PTPN12: variants seen among roughly 807,000 people sequenced by gnomAD.
PTPN12 encodes the protein tyrosine-protein phosphatase non-receptor type 12.
A neutral mutation model predicts 97.6 loss-of-function variants in PTPN12; 29 were observed. That is an observed-to-expected ratio of 0.30 (90% confidence interval 0.22 to 0.41). PTPN12 has a LOEUF of 0.41. Among genes scored for constraint, PTPN12 ranks in the 10% least tolerant of loss-of-function variants. PTPN12 has a pLI of 1.00. For missense variants in PTPN12, 819 were observed against 926.0 expected (o/e 0.88, Z 1.50); for synonymous variants, 327 against 300.4 (o/e 1.09, Z -0.91).
chr7:77,622,880 C>T (rs754421440), intron 12 of PTPN12, among the ~76,000 whole-genome samples: 2 of 151,006 alleles, frequency 1.3e-5, no homozygotes, highest in Non-Finnish European at 2.9e-5. Flanking sequence ...TAAAGAAATT[C>T]ATTCATTTCA....
At chr7:77,611,779 A>G (rs540543022) in intron 11 of PTPN12, among the ~76,000 whole-genome samples, 1 of 152,330 alleles carries the variant, frequency 6.6e-6, no homozygotes, top group South Asian at 2.1e-4. Context: ...AGTTAAGCAG[A>G]ATTAAAGAGC....
At chr7:77,613,272 T>C (rs55767925) in intron 11 of PTPN12, among the ~76,000 whole-genome samples, 33,765 of 146,584 alleles carry the variant, frequency 0.23, 4,862 homozygotes, top group East Asian at 0.7. Context: ...CCTCCCGGGT[T>C]CATGTGATTT....
chr7:77,614,666 G>A (rs1344969388), intron 11 of PTPN12, among the ~76,000 whole-genome samples: 1 of 152,068 alleles, frequency 6.6e-6, no homozygotes, highest in Non-Finnish European at 1.5e-5. Context: ...GTAAATATAG[G>A]TGACTCTTTT....
At chr7:77,622,368 T>C (rs1400143316) in intron 12 of PTPN12, among the ~76,000 whole-genome samples, 1 of 151,916 alleles carries the variant, frequency 6.6e-6, no homozygotes, top group African/African-American at 2.4e-5. Context: ...CAGAGTAAAA[T>C]GAAAAAGATG....
At chr7:77,604,501 A>C (rs529280562) in intron 8 of PTPN12, among the ~76,000 whole-genome samples, 1 of 151,996 alleles carries the variant, frequency 6.6e-6, no homozygotes, top group South Asian at 2.1e-4. Context: ...GGCGTGAACC[A>C]CTGCGCCCAG....
intron 3 of PTPN12, among the ~76,000 whole-genome samples, chr7:77,583,311 C>T (rs960653002): frequency 2.3e-4 from 35 of 152,070 alleles, no homozygotes; most frequent in Non-Finnish European, 4.4e-5. Context: ...TAGCATAAGG[C>T]GGTTCTTAAA....
Position 77,571,259 on chromosome 7 carries a change from CT to C in PTPN12, c.208+75del, listed in dbSNP as rs1318729260. The C allele has an allele frequency of 7.0e-6, 6 of 859,500 alleles. No individual in the cohort carries two copies. The Admixed American group carries it at 1.5e-4, about 21-fold the overall frequency. 53.2% of individuals were successfully genotyped at this position (859,500 alleles called of 1,614,324 possible). A position where few individuals can be genotyped will look rare whatever the true frequency, so the allele number is the denominator to read the frequency against. On this transcript the variant is annotated intron_variant, in intron 2 of 17. Coordinates refer to ENST00000248594, the MANE Select transcript of PTPN12 (RefSeq NM_002835.4). ...CTTTTGTAACCTAACTAGTTTTATT[CT>C]TCCTGAGTTTCACTGTTAAGGAAGT...
In PTPN12 at chr7:77,561,860, C is replaced by G. The variant is rs191550522; in HGVS notation, c.100-9218C>G. 2.7e-3 allele frequency among the ~76,000 whole-genome samples: 414 copies of G among 151,944 alleles called. 4 individuals are homozygous for G. Among genetic ancestry groups the G allele is most frequent in the Admixed American group, 0.022 (334 of 15,274 alleles). On this transcript the variant is annotated intron_variant, in intron 1 of 17. Transcript: ENST00000248594. ...AGGCTGGAATGCAGTGGCACGATCT[C>G]GGCTCACTGCAAGCTCCGCCTCCTG...
intron 13 of PTPN12, 88 bp downstream of exon 13, chr7:77,627,763 T>G: frequency 3.8e-6 from 5 of 1,305,142 alleles, no homozygotes; most frequent in Non-Finnish European, 5.1e-6. Context: ...TTATTATGTT[T>G]TATTCCACAC....
chr7:77,637,203 C>A (rs902205215), intron 16 of PTPN12, among the ~76,000 whole-genome samples, 155 bp downstream of exon 16: 1 of 152,002 alleles, frequency 6.6e-6, no homozygotes, highest in Non-Finnish European at 1.5e-5. Flanking sequence ...TACTATAATT[C>A]TTCCAAATTA....
chr7:77,546,790 A>T (rs1026262473), intron 1 of PTPN12, among the ~76,000 whole-genome samples: 1 of 152,208 alleles, frequency 6.6e-6, no homozygotes, highest in African/African-American at 2.4e-5. Flanking sequence ...GTGGAAGGTG[A>T]AGGGGAAGCA....
intron 2 of PTPN12, among the ~76,000 whole-genome samples, chr7:77,575,264 C>T (rs1787302788): frequency 6.6e-6 from 1 of 152,120 alleles, no homozygotes; most frequent in Non-Finnish European, 1.5e-5. Flanking sequence ...CCAAGCTGGG[C>T]AGATTATTTG....
At chr7:77,553,013 C>A (rs1807548984) in intron 1 of PTPN12, among the ~76,000 whole-genome samples, 1 of 152,102 alleles carries the variant, frequency 6.6e-6, no homozygotes, top group Admixed American at 6.6e-5. Flanking sequence ...CTCTTTTGGA[C>A]CTTTTTGGTG....
intron 1 of PTPN12, among the ~76,000 whole-genome samples, chr7:77,555,694 C>T (rs1448106140): frequency 1.3e-5 from 2 of 152,194 alleles, no homozygotes; most frequent in Admixed American, 6.5e-5. Context: ...GTGGGTGGAT[C>T]GTGAGGTCAT....
intron 11 of PTPN12, among the ~76,000 whole-genome samples, chr7:77,617,297 C>T (rs1411793883): frequency 6.6e-6 from 1 of 152,160 alleles, no homozygotes; most frequent in Non-Finnish European, 1.5e-5. Context: ...GATATTTCTG[C>T]ACCAAATGCC....
chr7:77,542,697 G>A (rs1217391096), intron 1 of PTPN12, among the ~76,000 whole-genome samples: 1 of 152,162 alleles, frequency 6.6e-6, no homozygotes, highest in Non-Finnish European at 1.5e-5. Flanking sequence ...ATACCATTTG[G>A]TAGAGTAAGG....
At chr7:77,599,071 G>C (rs1401796823) in intron 7 of PTPN12, among the ~76,000 whole-genome samples, 1 of 151,280 alleles carries the variant, frequency 6.6e-6, no homozygotes, top group East Asian at 1.9e-4. Flanking sequence ...TGACATTTAT[G>C]CTTATCACAT....
At position 77,610,749 on chromosome 7, in the gene PTPN12, A is replaced by G. The variant is rs1788542621; in HGVS notation, c.763-16A>G. The G allele has an allele frequency of 1.9e-6, 3 of 1,575,866 alleles. No homozygotes were observed. Among genetic ancestry groups the G allele is most frequent in the Admixed American group, 2.0e-5 (1 of 50,936 alleles). The stretch of plus-strand genomic sequence containing the variant: ...AATAGATACACAAAGTTGATGTATT[A>G]AATTTTCTGTTTTAGAAAATACCAG... On this transcript the variant is annotated splice_polypyrimidine_tract_variant and intron_variant, in intron 9 of 17. Transcript: ENST00000248594.
chr7:77,637,176 G>A (rs932653345), intron 16 of PTPN12, 128 bp downstream of exon 16: 4 of 707,974 alleles, frequency 5.6e-6, no homozygotes, highest in East Asian at 2.9e-5. Flanking sequence ...GACAACTCTT[G>A]TAGAAGCTTA....
Sources: gnomAD v4.1 joint callset for allele counts (sites outside exome capture counted in the v4.1 genomes callset) on GRCh38, gnomAD v4.1.1 for gene constraint, MANE v1.5 for transcripts, NCBI Gene and HGNC (gene_info 2026-07-23, HGNC 2026-07-21) for gene names.